The following NRG1 variants were observed in gnomAD, a reference collection of about 807,000 sequenced individuals.
The protein encoded by NRG1 is neuregulin 1, also known as pro-neuregulin-1, membrane-bound isoform.
Under a neutral mutation model 63.8 loss-of-function variants are expected in NRG1, and 18 were observed. The observed-to-expected ratio is 0.28, with a 90% CI of 0.19 to 0.42. NRG1 has a LOEUF of 0.42. NRG1 is among the 10% of genes least tolerant of loss of function. NRG1 has a pLI of 1.00. For synonymous variants in NRG1, 302 were observed against 301.3 expected, an observed-to-expected ratio of 1.00 and a Z score of -0.02; for missense variants, 762 against 814.7, an observed-to-expected ratio of 0.94 and a Z score of 0.79.
chr8:32,115,219 T>C (rs768451318), intron 1 of NRG1, among the ~76,000 whole-genome samples: 13 of 151,930 alleles, frequency 8.6e-5, no homozygotes, highest in Non-Finnish European at 1.5e-4. Flanking sequence ...TTAGCAGAGA[T>C]GGAGTTTCAT....
intron 1 of NRG1, among the ~76,000 whole-genome samples, chr8:31,992,847 A>G (rs1811322867): frequency 6.6e-6 from 1 of 152,020 alleles, no homozygotes; most frequent in Admixed American, 6.6e-5. Context: ...TTCCCAGAAT[A>G]AATGAGTAGA....
At chr8:32,423,142 T>C (rs947838993) in intron 1 of NRG1, among the ~76,000 whole-genome samples, 2 of 152,214 alleles carry the variant, frequency 1.3e-5, no homozygotes, top group African/African-American at 4.8e-5. Flanking sequence ...GGGTGGCCTG[T>C]GGTATTCAAT....
At chr8:32,202,957 A>G (rs1364356984) in intron 1 of NRG1, among the ~76,000 whole-genome samples, 1 of 151,476 alleles carries the variant, frequency 6.6e-6, no homozygotes, top group African/African-American at 2.4e-5. Flanking sequence ...TGAGGGTGGA[A>G]CCCTCGCCAG....
chr8:31,723,846 A>T (rs2131319170), intron 1 of NRG1, among the ~76,000 whole-genome samples: 1 of 152,268 alleles, frequency 6.6e-6, no homozygotes, highest in South Asian at 2.1e-4. Context: ...AGAAGTGGAA[A>T]TTATTTTTAA....
At chr8:31,712,209 T>C (rs1387135820) in intron 1 of NRG1, among the ~76,000 whole-genome samples, 1 of 151,202 alleles carries the variant, frequency 6.6e-6, no homozygotes, top group African/African-American at 2.4e-5. Context: ...CTCTGACAGG[T>C]TATATTTGAG....
upstream of NRG1, among the ~76,000 whole-genome samples, chr8:32,545,541 G>T (rs1463983225): frequency 6.6e-6 from 1 of 151,230 alleles, no homozygotes; most frequent in East Asian, 1.9e-4. Context: ...CAGTTCCAAG[G>T]TTTTTTACAA....
chr8:32,456,028 C>G (rs1353630230), intron 1 of NRG1, among the ~76,000 whole-genome samples: 1 of 152,196 alleles, frequency 6.6e-6, no homozygotes, highest in Admixed American at 6.5e-5. Flanking sequence ...AAGTGATCTA[C>G]CCACTTGGTC....
chr8:32,486,624 T>C (rs1260628202), intron 1 of NRG1, among the ~76,000 whole-genome samples: 1 of 90,786 alleles, frequency 1.1e-5, no homozygotes, highest in Non-Finnish European at 2.3e-5. Flanking sequence ...ACAGAATTGC[T>C]GGATTTTTTT....
At chr8:32,685,699 A>G (rs1455683698) in intron 5 of NRG1, among the ~76,000 whole-genome samples, 2 of 152,230 alleles carry the variant, frequency 1.3e-5, no homozygotes, top group African/African-American at 2.4e-5. Flanking sequence ...GCTTCACACC[A>G]TCTAGCTGAT....
At chr8:31,686,576 C>T (rs1177728315) in intron 1 of NRG1, among the ~76,000 whole-genome samples, 2 of 152,026 alleles carry the variant, frequency 1.3e-5, no homozygotes, top group African/African-American at 4.8e-5. Context: ...TTAAGTTTTG[C>T]TGTCCTATTA....
intron 5 of NRG1, among the ~76,000 whole-genome samples, chr8:32,685,345 G>A (rs1365334360): frequency 6.6e-6 from 1 of 152,106 alleles, no homozygotes; most frequent in Non-Finnish European, 1.5e-5. Context: ...GAGGGACTTA[G>A]TCTAAATCAG....
chr8:31,829,393 C>G (rs937670), intron 1 of NRG1, among the ~76,000 whole-genome samples: 21,385 of 152,146 alleles, frequency 0.14, 1,620 homozygotes, highest in Admixed American at 0.17. Context: ...TTATTTTGCA[C>G]CTACCATGCT....
chr8:32,151,117 TA>T (rs1317934948), intron 1 of NRG1, among the ~76,000 whole-genome samples: 1 of 151,944 alleles, frequency 6.6e-6, no homozygotes, highest in African/African-American at 2.4e-5. Context: ...AGACAGCTGG[TA>T]AAAAATAAAA....
chr8:32,614,755 C>G (rs890514604), intron 4 of NRG1, among the ~76,000 whole-genome samples, 191 bp downstream of exon 4: 1 of 152,042 alleles, frequency 6.6e-6, no homozygotes, highest in African/African-American at 2.4e-5. Context: ...CTTGCTGTGT[C>G]TTCAAACTTA....
intron 7 of NRG1, chr8:32,748,658 A>G (rs1828045117): frequency 2.2e-6 from 1 of 454,170 alleles, no homozygotes; most frequent in Non-Finnish European, 4.4e-6. Context: ...AGGTCCTCCA[A>G]GTGGCTGTGT....
At chr8:31,936,037 G>A (rs1268129213) in intron 1 of NRG1, among the ~76,000 whole-genome samples, 1 of 152,078 alleles carries the variant, frequency 6.6e-6, no homozygotes, top group Non-Finnish European at 1.5e-5. Context: ...GGAAAGAATG[G>A]CCAATAGAAG....
At chr8:32,367,970 C>T (rs1020982073) in intron 1 of NRG1, among the ~76,000 whole-genome samples, 1 of 152,148 alleles carries the variant, frequency 6.6e-6, no homozygotes, top group Non-Finnish European at 1.5e-5. Flanking sequence ...TGTCAAAAAT[C>T]AATCAGCTGT....
chr8:32,129,916 A>G (rs6989889), intron 1 of NRG1, among the ~76,000 whole-genome samples: 108,398 of 151,768 alleles, frequency 0.71, 39,132 homozygotes, highest in Admixed American at 0.8. Flanking sequence ...TGCCTTTTTC[A>G]TATGTAAATT....
chr8:31,733,294 C>A (rs1484888194), intron 1 of NRG1, among the ~76,000 whole-genome samples: 2 of 151,864 alleles, frequency 1.3e-5, no homozygotes, highest in Non-Finnish European at 2.9e-5. Flanking sequence ...GTGCAGGTAT[C>A]TTTTTGATAT....
Sources: allele counts gnomAD v4.1 joint callset (sites outside exome capture counted in the v4.1 genomes callset), GRCh38; gene constraint gnomAD v4.1.1; transcripts MANE v1.5; gene names NCBI Gene and HGNC (gene_info 2026-07-23, HGNC 2026-07-21).